Variants in GFPT2 observed in about 807,000 individuals in gnomAD.
The protein encoded by GFPT2 is glutamine--fructose-6-phosphate transaminase 2, also known as glutamine--fructose-6-phosphate aminotransferase [isomerizing] 2.
GFPT2 carries 62 observed loss-of-function variants against 85.6 expected under a neutral mutation model. The ratio of observed to expected loss-of-function variants is 0.72; its 90% CI spans 0.59 to 0.90. The LOEUF (loss-of-function observed/expected upper bound fraction) is 0.90. Among genes scored for constraint, GFPT2 ranks in the 40% least tolerant of loss-of-function variants. GFPT2 has a pLI of 0.00. For missense variants in GFPT2, 788 were observed against 893.4 expected (o/e 0.88, Z 1.50); for synonymous variants, 368 against 344.5 (o/e 1.07, Z -0.75).
At chr5:180,340,244 T>C (rs1454235422) in intron 1 of GFPT2, among the ~76,000 whole-genome samples, 1 of 152,150 alleles carries the variant, frequency 6.6e-6, no homozygotes, top group Non-Finnish European at 1.5e-5. Context: ...TTCATTCTTG[T>C]TGCCCAGGCT....
At chr5:180,301,998 C>G (rs11745449) in intron 18 of GFPT2, among the ~76,000 whole-genome samples, 17,237 of 67,392 alleles carry the variant, frequency 0.26, 1,651 homozygotes, top group East Asian at 0.55. Flanking sequence ...TTCATAAGTA[C>G]GCTTCTACTG....
chr5:180,326,750 T>C (rs935741361), intron 7 of GFPT2, among the ~76,000 whole-genome samples: 10 of 152,308 alleles, frequency 6.6e-5, no homozygotes, highest in Middle Eastern at 3.4e-3. Context: ...TCCCCCAAAT[T>C]TTATTGCTGT....
chr5:180,316,425 C>A lies in GFPT2; in HGVS notation c.1189G>T (p.Val397Leu). ...AAATCACTAGCAAGTTCAACCATCA[C>A]AGGAAGCTCAGTCAGTTCCTCCAAA... Reference protein sequence around the residue: ...QVLEELTELPVMVELASDFLD... With the variant: ...QVLEELTELPLMVELASDFLD... The change falls in exon 13 of 19, where the codon GTG becomes TTG. Residue 397 changes from valine (V) to leucine (L), a missense_variant. Physicochemically the swap from Val to Leu is conservative, Grantham distance 32. Transcript: ENST00000253778. The A allele has an allele frequency of 6.2e-7, 1 of 1,614,054 alleles. No individual in the cohort carries two copies. The highest frequency in any genetic ancestry group is 1.1e-5 in the South Asian group (1 of 91,086).
In GFPT2 at chr5:180,318,949, T is replaced by C. The variant is rs1299885738; in HGVS notation, c.802A>G (p.Ile268Val). Reference sequence around the variant, plus strand: ...AAGATGACCCGGTTGGTGTGCTCTATGATAGCGCTGGGGCAAGGGAAACAG... The same window carrying C: ...AAGATGACCCGGTTGGTGTGCTCTACGATAGCGCTGGGGCAAGGGAAACAG... ...FFFASDASAIIEHTNRVIFLE... is the reference protein window; with the variant it reads ...FFFASDASAIVEHTNRVIFLE... Residue 268 changes from isoleucine (I) to valine (V), a missense_variant, in exon 10 of 19, where the codon ATA (isoleucine) becomes GTA (valine). Transcript: ENST00000253778. This position sits in a 1 kb window ranked among gnomAD's most constrained non-coding sequence, Gnocchi z 4.2. 6.2e-6 allele frequency: 10 copies of C among 1,612,428 alleles called. No individual in the cohort carries two copies. Among genetic ancestry groups the C allele is most frequent in the Non-Finnish European group, 8.5e-6 (10 of 1,179,976 alleles).
intron 2 of GFPT2, among the ~76,000 whole-genome samples, chr5:180,337,848 A>G (rs1162064299): frequency 6.6e-6 from 1 of 152,144 alleles, no homozygotes; most frequent in Admixed American, 6.5e-5. Context: ...AGGACTTAGC[A>G]TAAGCTCTAC....
Position 180,301,280 on chromosome 5 carries a change from C to G in GFPT2, c.*284G>C. On this transcript the variant is annotated 3_prime_UTR_variant, in exon 19 of 19. Transcript: ENST00000253778. ...GTTGGTTATAAAAGGTTCACAGTTA[C>G]TCTGAAGAGAGCTGTATCTCTATTG... 2.1e-6 allele frequency: 1 copy of G among 472,640 alleles called. No individual in the cohort carries two copies. 29.3% of individuals were successfully genotyped at this position (472,640 alleles called of 1,614,324 possible).
intron 2 of GFPT2, among the ~76,000 whole-genome samples, 199 bp downstream of exon 2, chr5:180,338,294 G>GT (rs1290082032): frequency 2.6e-5 from 4 of 152,004 alleles, no homozygotes; most frequent in African/African-American, 9.7e-5. Flanking sequence ...GTTTTCTGGG[G>GT]TTTTTTACCC....
chr5:180,352,679 C>G (rs1561887080), intron 1 of GFPT2: 1 of 435,302 alleles, frequency 2.3e-6, no homozygotes, highest in African/African-American at 2.2e-5. Flanking sequence ...GGAGGACGCG[C>G]AGGCCCTGCC....
In GFPT2 at chr5:180,343,155, T is replaced by C. The variant is rs542721095; in HGVS notation, c.8-4555A>G. Among the ~76,000 whole-genome samples the C allele has an allele frequency of 2.3e-4, 35 of 152,342 alleles. No individual in the cohort carries two copies. In the South Asian group the frequency reaches 6.8e-3, roughly 30 times the overall value. ...CAGATGACACAAAGGTTCAGAAATG[T>C]ACCCATTGCCAACTCTGAAAAGGTT... On this transcript the variant is annotated intron_variant, in intron 1 of 18. Coordinates refer to ENST00000253778, the MANE Select transcript of GFPT2 (RefSeq NM_005110.4).
Position 180,336,509 on chromosome 5 carries a change from T to TC in GFPT2, c.183dup (p.Lys62GlufsTer7). 1.2e-6 allele frequency: 2 copies of TC among 1,609,010 alleles called. No homozygotes were observed. The highest frequency in any genetic ancestry group is 1.7e-6 in the Non-Finnish European group (2 of 1,175,276). On this transcript the variant is annotated frameshift_variant, in exon 3 of 19. Transcript: ENST00000253778. LOFTEE classifies it high-confidence loss of function. ...AGTTCTTCATCGAGAGCCTTGACTT[T>TC]CCCCCTTTTCTTGACCAGCTGAATG...
chr5:180,352,432 G>A (rs1267327696), intron 1 of GFPT2: 1 of 455,180 alleles, frequency 2.2e-6, no homozygotes, highest in Non-Finnish European at 4.4e-6. Flanking sequence ...CCAGCCAGGA[G>A]AGTAAAGAAT....
At chr5:180,344,318 C>T (rs1434795081) in intron 1 of GFPT2, among the ~76,000 whole-genome samples, 1 of 152,224 alleles carries the variant, frequency 6.6e-6, no homozygotes, top group Non-Finnish European at 1.5e-5. Context: ...GCAGAAACTT[C>T]CTTTCCACTG....
chr5:180,312,196 GGGGAGGCA>G (rs79602300), intron 15 of GFPT2, among the ~76,000 whole-genome samples: 876 of 46,728 alleles, frequency 0.019, 144 homozygotes, highest in Admixed American at 0.07. Context: ...CCAGGGAGGC[GGGGAGGCA>G]GGGAGGCAGG....
chr5:180,301,647 T>G (rs1422674257), intron 18 of GFPT2, 39 bp from the exon 19 acceptor site: 2 of 1,548,874 alleles, frequency 1.3e-6, no homozygotes, highest in Non-Finnish European at 1.8e-6. Flanking sequence ...ACCCCAAAGA[T>G]CTCAGCAACA....
intron 15 of GFPT2, among the ~76,000 whole-genome samples, chr5:180,312,173 GGGAGGCTGAGGACCA>G (rs1763906032): frequency 3.8e-5 from 5 of 132,194 alleles, no homozygotes; most frequent in Non-Finnish European, 8.3e-5. Flanking sequence ...CAGGGAGGCA[GGGAGGCTGAGGACCA>G]GGGAGGCGGG....
At chr5:180,314,430 T>C (rs1349860966) in intron 13 of GFPT2, among the ~76,000 whole-genome samples, 1 of 152,210 alleles carries the variant, frequency 6.6e-6, no homozygotes, top group Admixed American at 6.5e-5. Context: ...GAAAGGACAC[T>C]TCTTGCAAGC....
chr5:180,315,322 C>T (rs1002160030), intron 13 of GFPT2, among the ~76,000 whole-genome samples: 13 of 152,054 alleles, frequency 8.5e-5, no homozygotes, highest in Admixed American at 2.0e-4. Context: ...GGACTACAGG[C>T]GCCCGCCACC....
rs530821330 is a variant in GFPT2 at position 180,304,312 on chromosome 5, T to C, written c.1842+460A>G. Among the ~76,000 whole-genome samples, 7 of 152,364 alleles carry C rather than the reference T, an allele frequency of 4.6e-5. No individual in the cohort carries two copies. The East Asian group carries it at 1.3e-3, about 29-fold the overall frequency. On this transcript the variant is annotated intron_variant, in intron 17 of 18. Transcript: ENST00000253778. ...GAACTTCAGGGGAGAGTGGGAATCC[T>C]TGGATTCATAGTCAGTTGCTCAGAT...
At chr5:180,322,067 G>GC (rs1561877403) in intron 9 of GFPT2, among the ~76,000 whole-genome samples, 2 of 151,866 alleles carry the variant, frequency 1.3e-5, no homozygotes, top group African/African-American at 4.8e-5. Flanking sequence ...GATGACAGGC[G>GC]TGAGCCACCA....
Sources: gnomAD v4.1 joint callset for allele counts (sites outside exome capture counted in the v4.1 genomes callset) on GRCh38, gnomAD v4.1.1 for gene constraint, Gnocchi (gnomAD v3.1) non-coding constraint, MANE v1.5 for transcripts, NCBI Gene and HGNC (gene_info 2026-07-23, HGNC 2026-07-21) for gene names.